The following CDK14 variants were observed in gnomAD, a reference collection of about 807,000 sequenced individuals.
The protein encoded by CDK14 is cyclin dependent kinase 14, also known as cyclin-dependent kinase 14.
A neutral mutation model predicts 60.7 loss-of-function variants in CDK14; 34 were observed. The observed-to-expected ratio is 0.56, with a 90% CI of 0.43 to 0.75. CDK14 has a LOEUF of 0.75. Ranked by LOEUF, CDK14 falls within the 30% of genes least tolerant of loss-of-function variation. The pLI, the probability that CDK14 is intolerant of heterozygous loss-of-function variation, is 0.00. For missense variants in CDK14, 482 were observed against 564.1 expected (o/e 0.85, Z 1.47); for synonymous variants, 197 against 203.7 (o/e 0.97, Z 0.28).
At chr7:91,081,124 A>G (rs1798472286) in intron 12 of CDK14, among the ~76,000 whole-genome samples, 1 of 152,238 alleles carries the variant, frequency 6.6e-6, no homozygotes, top group African/African-American at 2.4e-5. Context: ...CTGGTATTCC[A>G]GTATTAAGTG....
intron 6 of CDK14, among the ~76,000 whole-genome samples, chr7:90,890,390 ATAGG>A (rs976979033): frequency 3.3e-5 from 5 of 152,086 alleles, no homozygotes; most frequent in Non-Finnish European, 7.4e-5. Context: ...AGGTAGGTAG[ATAGG>A]TAGGTAGGTA....
chr7:90,716,527 C>T (rs970107226), intron 2 of CDK14: 1 of 152,050 alleles, frequency 6.6e-6, no homozygotes, highest in Non-Finnish European at 1.5e-5. Context: ...CTATAAATTT[C>T]TATGCAGGAA....
At chr7:90,682,914 T>C (rs981253119) in intron 2 of CDK14, among the ~76,000 whole-genome samples, 3 of 152,226 alleles carry the variant, frequency 2.0e-5, no homozygotes, top group Non-Finnish European at 4.4e-5. Flanking sequence ...ATGTAACTGA[T>C]ATTGTGCCCT....
At chr7:91,046,246 T>C (rs1335046558) in intron 11 of CDK14, among the ~76,000 whole-genome samples, 1 of 152,192 alleles carries the variant, frequency 6.6e-6, no homozygotes. Flanking sequence ...AGCATCCATG[T>C]CTATAAAAAC....
rs142848232 is a variant in CDK14 at position 90,772,043 on chromosome 7, T to G, written c.465-18530T>G. On this transcript the variant is annotated intron_variant, in intron 4 of 14. Coordinates refer to ENST00000380050, the MANE Select transcript of CDK14 (RefSeq NM_001287135.2). Reference sequence around the variant, plus strand: ...CAGATGGACTTTTGGGATAGAGATTTGTTGTCAGGACATGGAGGGTCTTCA... The same window carrying G: ...CAGATGGACTTTTGGGATAGAGATTGGTTGTCAGGACATGGAGGGTCTTCA... Among the ~76,000 whole-genome samples, 152 of 152,346 alleles carry G rather than the reference T, an allele frequency of 1.0e-3. 1 individual carries two copies. The highest frequency in any genetic ancestry group is 1.3e-3 in the Non-Finnish European group (86 of 68,034).
At position 90,977,853 on chromosome 7, in the gene CDK14, TG is replaced by T. The variant is rs368494265; in HGVS notation, c.948-6292del. Reference sequence around the variant, plus strand: ...ATGTGCCTGACACTCTGCTATGTCCTGGGAATAAGGTGATGTCCACAACCTT... The same window carrying T: ...ATGTGCCTGACACTCTGCTATGTCCTGGAATAAGGTGATGTCCACAACCTT... On this transcript the variant is annotated intron_variant, in intron 9 of 14. Transcript: ENST00000380050. Among the ~76,000 whole-genome samples the T allele has an allele frequency of 7.7e-3, 1,167 of 152,270 alleles. 13 individuals carry two copies. The highest frequency in any genetic ancestry group is 0.012 in the Non-Finnish European group (813 of 68,016).
intron 10 of CDK14, among the ~76,000 whole-genome samples, chr7:91,011,631 T>C (rs1186807950): frequency 6.6e-6 from 1 of 152,168 alleles, no homozygotes; most frequent in Non-Finnish European, 1.5e-5. Flanking sequence ...TTCTGTTTTC[T>C]TTTTTCTGTC....
At chr7:91,076,765 T>C (rs904505856) in intron 11 of CDK14, among the ~76,000 whole-genome samples, 2 of 152,104 alleles carry the variant, frequency 1.3e-5, no homozygotes, top group Non-Finnish European at 2.9e-5. Flanking sequence ...GACAAAGGTC[T>C]AATATGTGGA....
intron 11 of CDK14, among the ~76,000 whole-genome samples, chr7:91,077,485 C>T (rs1798358943): frequency 6.6e-6 from 1 of 151,306 alleles, no homozygotes; most frequent in Non-Finnish European, 1.5e-5. Flanking sequence ...ACACAGGGGC[C>T]TGTTGGGGAG....
intron 2 of CDK14, among the ~76,000 whole-genome samples, chr7:90,687,134 G>A (rs1801455099): frequency 6.6e-6 from 1 of 151,702 alleles, no homozygotes; most frequent in Admixed American, 6.6e-5. Flanking sequence ...AGAACAGAGG[G>A]GTAATTTATT....
chr7:91,126,264 C>G (rs1427978668), intron 14 of CDK14, among the ~76,000 whole-genome samples: 2 of 152,138 alleles, frequency 1.3e-5, no homozygotes, highest in Non-Finnish European at 2.9e-5. Context: ...TATTTCACCT[C>G]TATTAGTTAA....
At chr7:90,826,507 G>A (rs998765772) in intron 5 of CDK14, among the ~76,000 whole-genome samples, 40 of 152,068 alleles carry the variant, frequency 2.6e-4, no homozygotes, top group Non-Finnish European at 4.7e-4. Context: ...ATGAGCCACC[G>A]CATTCAGCCT....
At chr7:91,112,904 T>C (rs1012836904) in intron 13 of CDK14, among the ~76,000 whole-genome samples, 8 of 151,906 alleles carry the variant, frequency 5.3e-5, no homozygotes, top group Non-Finnish European at 8.8e-5. Flanking sequence ...CATGTGTATA[T>C]ATATTTAGTG....
At chr7:90,800,883 A>C (rs1258610012) in intron 5 of CDK14, among the ~76,000 whole-genome samples, 1 of 152,144 alleles carries the variant, frequency 6.6e-6, no homozygotes, top group Non-Finnish European at 1.5e-5. Flanking sequence ...GGCTTCCTAC[A>C]ATCTTTGGTG....
intron 2 of CDK14, among the ~76,000 whole-genome samples, chr7:90,720,135 A>C (rs1188182269): frequency 6.6e-6 from 1 of 152,206 alleles, no homozygotes; most frequent in Non-Finnish European, 1.5e-5. Context: ...GCCCTGTGGA[A>C]GAGATAATCA....
intron 2 of CDK14, among the ~76,000 whole-genome samples, chr7:90,653,267 C>T (rs1478280098): frequency 6.6e-6 from 1 of 152,110 alleles, no homozygotes; most frequent in Non-Finnish European, 1.5e-5. Flanking sequence ...CACAACCCCC[C>T]TCTGTTTCTT....
At chr7:91,068,032 T>G (rs1349774954) in intron 11 of CDK14, among the ~76,000 whole-genome samples, 1 of 152,230 alleles carries the variant, frequency 6.6e-6, no homozygotes, top group African/African-American at 2.4e-5. Flanking sequence ...TCTTGCTTTC[T>G]TAATACCAAA....
At chr7:90,730,599 C>G (rs530188203) in intron 3 of CDK14, among the ~76,000 whole-genome samples, 2 of 152,072 alleles carry the variant, frequency 1.3e-5, no homozygotes, top group African/African-American at 4.8e-5. Flanking sequence ...CATTTCTCTA[C>G]TGACCAGTGA....
At chr7:91,093,586 T>C (rs1044245399) in intron 12 of CDK14, among the ~76,000 whole-genome samples, 4 of 152,182 alleles carry the variant, frequency 2.6e-5, no homozygotes, top group African/African-American at 9.7e-5. Flanking sequence ...ATTGAAAATA[T>C]TTGTTCTTAA....
Sources: gnomAD v4.1 joint callset for allele counts (sites outside exome capture counted in the v4.1 genomes callset) on GRCh38, gnomAD v4.1.1 for gene constraint, MANE v1.5 for transcripts, NCBI Gene and HGNC (gene_info 2026-07-23, HGNC 2026-07-21) for gene names.